The following MYH16 variants were observed in gnomAD, a reference collection of about 807,000 sequenced individuals.
MYH16 encodes the protein putative uncharacterized protein MYH16.
At chr7:99,281,864 C>T (rs573978631) in intron 23 of MYH16, among the ~76,000 whole-genome samples, 2 of 152,188 alleles carry the variant, frequency 1.3e-5, no homozygotes, top group Non-Finnish European at 2.9e-5. Flanking sequence ...CAGTGGACCC[C>T]TCGTCCCTGT....
At chr7:99,301,601 G>T (rs1288076398) in exon 38 of MYH16, 1 of 153,052 alleles carries the variant, frequency 6.5e-6, no homozygotes, top group Non-Finnish European at 1.5e-5. Context: ...TGCCCCCCAG[G>T]ACCTGCAGGT....
At chr7:99,268,698 G>T (rs1446199059) in intron 18 of MYH16, among the ~76,000 whole-genome samples, 1 of 152,198 alleles carries the variant, frequency 6.6e-6, no homozygotes, top group Non-Finnish European at 1.5e-5. Context: ...GCTCAGGTGG[G>T]CCCCACCCCC....
At chr7:99,240,308 T>C (rs1252828117) in intron 1 of MYH16, among the ~76,000 whole-genome samples, 7 of 152,138 alleles carry the variant, frequency 4.6e-5, no homozygotes, top group Non-Finnish European at 1.0e-4. Flanking sequence ...GCCCCTTCTA[T>C]GTCACCATTC....
chr7:99,307,065 C>G (rs1368773115), downstream of MYH16, among the ~76,000 whole-genome samples: 1 of 152,206 alleles, frequency 6.6e-6, no homozygotes, highest in Non-Finnish European at 1.5e-5. Flanking sequence ...TGCTGTTCAC[C>G]TGTATCACAG....
chr7:99,284,048 T>C (rs572264719), intron 25 of MYH16, 30 bp downstream of exon 7: 3 of 428,740 alleles, frequency 7.0e-6, no homozygotes, highest in South Asian at 5.1e-5. Context: ...GTTTTGTCCA[T>C]CACAATGGTA....
intron 2 of MYH16, among the ~76,000 whole-genome samples, chr7:99,244,704 T>C (rs1258443088): frequency 6.6e-6 from 1 of 152,198 alleles, no homozygotes; most frequent in Non-Finnish European, 1.5e-5. Context: ...TTGAAGATAT[T>C]TGCTAGGTCT....
chr7:99,296,581 G>C (rs371961210), intron 33 of MYH16, 120 bp from the exon 15 acceptor site: 1 of 393,292 alleles, frequency 2.5e-6, no homozygotes. Context: ...AATTCCCAAG[G>C]AGTCCGTAGT....
chr7:99,286,811 G>A (rs1035815538), intron 28 of MYH16, among the ~76,000 whole-genome samples: 2 of 151,632 alleles, frequency 1.3e-5, no homozygotes, highest in Non-Finnish European at 2.9e-5. Context: ...AAAATTAGCT[G>A]GGCATGGTGG....
At chr7:99,297,581 C>A in intron 34 of MYH16, 79 bp from the exon 16 acceptor site, 1 of 409,012 alleles carries the variant, frequency 2.4e-6, no homozygotes, top group Non-Finnish European at 4.9e-6. Flanking sequence ...CTGCTTCTTA[C>A]CCCAATGGAG....
rs61745729 is a variant in MYH16, at chr7:99,287,955, G to A, written n.3524G>A. The A allele has an allele frequency of 8.0e-3, 3,657 of 456,646 alleles. 97 individuals are homozygous for A. Among genetic ancestry groups the A allele is most frequent in the African/African-American group, 0.056 (2,795 of 50,194 alleles). The allele number at this position is 456,646 out of a possible 1,614,324, so 28.3% of individuals were successfully genotyped here. On this transcript the variant is annotated non_coding_transcript_exon_variant, in exon 29 of 42. Coordinates refer to ENST00000439784, the Ensembl canonical transcript of MYH16. The stretch of plus-strand genomic sequence containing the variant: ...GCTGCGGCGGGAGCTGGAAGAGGCC[G>A]CCCTGCAGAGCGAGGCGACGGCCTC...
intron 2 of MYH16, among the ~76,000 whole-genome samples, chr7:99,247,265 C>T (rs1365914984): frequency 1.3e-5 from 2 of 152,128 alleles, no homozygotes; most frequent in South Asian, 2.1e-4. Context: ...CTCTGCCTTC[C>T]AGGTTCAAGC....
At position 99,294,153 on chromosome 7, in the gene MYH16, CAG is replaced by C. The variant is rs1792438146; in HGVS notation, n.4282+8_4282+9del. The C allele has an allele frequency of 2.2e-6, 1 of 454,684 alleles. No individual in the cohort carries two copies. The highest frequency in any genetic ancestry group is 2.0e-5 in the African/African-American group (1 of 49,894). The allele number at this position is 454,684 out of a possible 1,614,324, so 28.2% of individuals were successfully genotyped here. On this transcript the variant is annotated splice_donor_5th_base_variant and intron_variant and non_coding_transcript_variant, in intron 33 of 41. Coordinates refer to ENST00000439784, the Ensembl canonical transcript of MYH16. ...ACCTCACCATCGACTTGGAGAAGGT[CAG>C]AGAGTCAAATGCTCAAAGCTGCCTA...
chr7:99,287,193 G>A (rs948535502), intron 28 of MYH16, among the ~76,000 whole-genome samples: 5 of 152,092 alleles, frequency 3.3e-5, no homozygotes, highest in African/African-American at 4.8e-5. Flanking sequence ...CCTAGTTGTC[G>A]GTACCTGGAC....
At chr7:99,297,833 C>T (rs1334933581) in intron 35 of MYH16, 37 bp downstream of exon 16, 2 of 456,670 alleles carry the variant, frequency 4.4e-6, no homozygotes, top group Non-Finnish European at 8.8e-6. Context: ...ACTGTGGACC[C>T]TTGGCCAGGC....
At chr7:99,273,300 C>T (rs1792069869) in intron 19 of MYH16, 42 bp from the exon 2 acceptor site, 1 of 456,492 alleles carries the variant, frequency 2.2e-6, no homozygotes. Context: ...CAGGTCCTAA[C>T]ACCTTCATTG....
At position 99,277,978 on chromosome 7, in the gene MYH16, C is replaced by T. The variant is rs116589971; in HGVS notation, n.2659+266C>T. ...GACAGACAGACAGACAGACAGACAGCGACATGGTCTTGCTGTGTTGCCCAG... is the reference window on the plus strand; with the variant it reads ...GACAGACAGACAGACAGACAGACAGTGACATGGTCTTGCTGTGTTGCCCAG... On this transcript the variant is annotated intron_variant and non_coding_transcript_variant, in intron 21 of 41. Coordinates refer to ENST00000439784, the Ensembl canonical transcript of MYH16. Among the ~76,000 whole-genome samples the T allele has an allele frequency of 6.3e-3, 888 of 141,966 alleles. 10 individuals carry two copies. The highest frequency in any genetic ancestry group is 0.024 in the African/African-American group (868 of 36,730). 93.1% of individuals were successfully genotyped at this position (141,966 alleles called of 152,430 possible).
intron 11 of MYH16, among the ~76,000 whole-genome samples, chr7:99,258,655 G>A (rs1238393676): frequency 6.6e-6 from 1 of 152,130 alleles, no homozygotes; most frequent in Admixed American, 6.6e-5. Flanking sequence ...TGGCTAACAA[G>A]AGCTGATTGT....
At chr7:99,260,282 T>C (rs557058827) in exon 12 of MYH16, 1 of 1,569,948 alleles carries the variant, frequency 6.4e-7, no homozygotes, top group African/African-American at 1.4e-5. Context: ...ATCGAGTGGG[T>C]CTTCATCGAC....
chr7:99,240,417 C>A lies in MYH16; in HGVS notation n.210+1379C>A, dbSNP rs542493855. 1.6e-4 allele frequency among the ~76,000 whole-genome samples: 25 copies of A among 152,162 alleles called. No individual in the cohort carries two copies. The East Asian group carries it at 4.6e-3, about 28-fold the overall frequency. On this transcript the variant is annotated intron_variant and non_coding_transcript_variant, in intron 1 of 41. Coordinates refer to ENST00000439784, the Ensembl canonical transcript of MYH16. ...AGACATTACTCTGCTCCCTCCAAAC[C>A]GCCTTCAAGGATAAAATTGAGAGCA...
Sources: allele counts gnomAD v4.1 joint callset (sites outside exome capture counted in the v4.1 genomes callset), GRCh38; gene constraint gnomAD v4.1.1; transcripts MANE v1.5; gene names NCBI Gene and HGNC (gene_info 2026-07-23, HGNC 2026-07-21).